The following STT3B variants were observed in gnomAD, a reference collection of about 807,000 sequenced individuals.
STT3B encodes the protein dolichyl-diphosphooligosaccharide--protein glycosyltransferase subunit STT3B.
In STT3B, 29 loss-of-function variants were observed where a neutral mutation model predicts 96.8. That is an observed-to-expected ratio of 0.30 (90% CI 0.22 to 0.41). STT3B has a LOEUF of 0.41. Ranked by LOEUF, STT3B falls within the 10% of genes least tolerant of loss-of-function variation. STT3B has a pLI of 1.00. For missense variants in STT3B, 640 were observed against 1,022.3 expected (o/e 0.63, Z 5.10); for synonymous variants, 367 against 360.0 (o/e 1.02, Z -0.22).
Position 31,533,051 on chromosome 3 carries a change from C to T in STT3B, c.53C>T (p.Ser18Phe), listed in dbSNP as rs573987136. Reference protein sequence around the residue: ...ESKHKSSLNSSPWSGLMALGN... With the variant: ...ESKHKSSLNSFPWSGLMALGN... ...AAGCACAAGTCGTCCCTCAACTCGT[C>T]CCCGTGGAGTGGCCTCATGGCCCTG... The change falls in exon 1 of 16, where the codon TCC becomes TTC. Residue 18 changes from serine to phenylalanine, a missense_variant. Ser to Phe is a radical substitution (Grantham distance 155, BLOSUM62 -2). Around this residue, in one of 8 missense-constraint regions of STT3B, gnomAD observed 89 missense variants for 81.7 expected, o/e 1.09. Coordinates refer to ENST00000295770, the MANE Select transcript of STT3B (RefSeq NM_178862.3). 1.9e-6 allele frequency: 3 copies of T among 1,584,240 alleles called. No homozygotes were observed. Among genetic ancestry groups the T allele is most frequent in the East Asian group, 2.5e-5 (1 of 39,792 alleles).
chr3:31,555,084 T>TA (rs2125441973), intron 1 of STT3B, among the ~76,000 whole-genome samples: 1 of 152,256 alleles, frequency 6.6e-6, no homozygotes, highest in East Asian at 1.9e-4. Flanking sequence ...GAAAAAGAAA[T>TA]ATTCCCATCA....
intron 1 of STT3B, among the ~76,000 whole-genome samples, chr3:31,562,436 T>A (rs1049488485): frequency 1.3e-5 from 2 of 152,130 alleles, no homozygotes; most frequent in South Asian, 2.1e-4. Context: ...CCAGAGATCA[T>A]CCACACCTTG....
At chr3:31,568,934 G>T (rs973051805) in intron 1 of STT3B, among the ~76,000 whole-genome samples, 1 of 152,182 alleles carries the variant, frequency 6.6e-6, no homozygotes, top group African/African-American at 2.4e-5. Context: ...AGGAAATAAT[G>T]CAGTATTTAC....
chr3:31,625,804 T>G, intron 12 of STT3B, 150 bp from the exon 13 acceptor site: 1 of 629,990 alleles, frequency 1.6e-6, no homozygotes, highest in South Asian at 2.5e-5. Context: ...TTCCAATGCA[T>G]TTGTTGAATT....
At chr3:31,609,911 T>G (rs762506204) in intron 5 of STT3B, among the ~76,000 whole-genome samples, 2 of 152,196 alleles carry the variant, frequency 1.3e-5, no homozygotes, top group Non-Finnish European at 2.9e-5. Flanking sequence ...TACTGAAGTG[T>G]TTTGAACACG....
At chr3:31,618,677 T>C (rs188163966) in intron 8 of STT3B, among the ~76,000 whole-genome samples, 34 of 152,224 alleles carry the variant, frequency 2.2e-4, no homozygotes, top group African/African-American at 8.2e-4. Flanking sequence ...TCTGATGTGA[T>C]ACCAGAAGGA....
intron 3 of STT3B, among the ~76,000 whole-genome samples, chr3:31,595,972 C>T (rs141210966): frequency 2.9e-3 from 448 of 152,250 alleles, no homozygotes; most frequent in African/African-American, 9.3e-3. Flanking sequence ...TTATACTCAC[C>T]GTAGAGTCTC....
intron 3 of STT3B, among the ~76,000 whole-genome samples, chr3:31,591,365 C>T (rs374290153): frequency 3.6e-4 from 55 of 152,194 alleles, no homozygotes; most frequent in African/African-American, 1.2e-3. Flanking sequence ...TCATTGACTG[C>T]GTATGGTTAG....
At chr3:31,634,044 C>CT (rs1439281017) in intron 15 of STT3B, among the ~76,000 whole-genome samples, 1 of 152,028 alleles carries the variant, frequency 6.6e-6, no homozygotes, top group Non-Finnish European at 1.5e-5. Context: ...TATAAAAGTG[C>CT]TGAATATTAA....
chr3:31,564,209 C>A (rs1697946388), intron 1 of STT3B, among the ~76,000 whole-genome samples: 1 of 152,200 alleles, frequency 6.6e-6, no homozygotes, highest in Admixed American at 6.5e-5. Context: ...TACAACCTCA[C>A]ACTGGCACTA....
intron 11 of STT3B, among the ~76,000 whole-genome samples, chr3:31,624,613 G>A (rs1699493650): frequency 6.6e-6 from 1 of 150,808 alleles, no homozygotes; most frequent in Non-Finnish European, 1.5e-5. Flanking sequence ...TCACTTGGGA[G>A]CTTATTAGGC....
chr3:31,561,445 T>A (rs551297521), intron 1 of STT3B, among the ~76,000 whole-genome samples: 2 of 152,294 alleles, frequency 1.3e-5, no homozygotes, highest in Non-Finnish European at 2.9e-5. Flanking sequence ...ACATTCTTTT[T>A]TTTAAAATAT....
intron 1 of STT3B, among the ~76,000 whole-genome samples, chr3:31,572,051 ATC>A (rs1698165250): frequency 3.5e-5 from 3 of 86,658 alleles, no homozygotes; most frequent in African/African-American, 1.3e-4. Context: ...ATATTAATAT[ATC>A]ATATATTAAT....
At chr3:31,567,543 T>A (rs1472415997) in intron 1 of STT3B, among the ~76,000 whole-genome samples, 1 of 152,222 alleles carries the variant, frequency 6.6e-6, no homozygotes, top group Non-Finnish European at 1.5e-5. Flanking sequence ...CTTAATTTAT[T>A]CTTAGGCATT....
At chr3:31,547,793 C>T (rs1321468854) in intron 1 of STT3B, among the ~76,000 whole-genome samples, 2 of 152,176 alleles carry the variant, frequency 1.3e-5, no homozygotes, top group African/African-American at 4.8e-5. Context: ...ACACTTCTTC[C>T]CAACCTTCAA....
chr3:31,590,120 C>T (rs575817458), intron 3 of STT3B, among the ~76,000 whole-genome samples: 27 of 151,898 alleles, frequency 1.8e-4, no homozygotes, highest in African/African-American at 4.6e-4. Context: ...CCTAATTTGT[C>T]GGCAGAAATT....
intron 3 of STT3B, among the ~76,000 whole-genome samples, chr3:31,590,555 G>A (rs962650409): frequency 6.6e-6 from 1 of 151,838 alleles, no homozygotes; most frequent in African/African-American, 2.4e-5. Context: ...TCTAAGCATG[G>A]TGTTTAATTT....
intron 7 of STT3B, 139 bp from the exon 8 acceptor site, chr3:31,617,801 G>A (rs1233365859): frequency 1.5e-6 from 1 of 659,702 alleles, no homozygotes; most frequent in Non-Finnish European, 2.7e-6. Context: ...TCTGAAATAG[G>A]TTGACACCTA....
At chr3:31,535,975 G>C (rs551251029) in intron 1 of STT3B, among the ~76,000 whole-genome samples, 65 of 152,202 alleles carry the variant, frequency 4.3e-4, no homozygotes, top group South Asian at 8.3e-4. Context: ...GTGCCTTACC[G>C]TGAATGGAGA....
Sources: gnomAD v4.1 joint callset for allele counts (sites outside exome capture counted in the v4.1 genomes callset) on GRCh38, gnomAD v4.1.1 for gene constraint, gnomAD v4.1.1 regional missense constraint, MANE v1.5 for transcripts, NCBI Gene and HGNC (gene_info 2026-07-23, HGNC 2026-07-21) for gene names.